The following LGR5 variants were observed in gnomAD, a reference collection of about 807,000 sequenced individuals.
LGR5 encodes the protein leucine-rich repeat-containing G protein-coupled receptor 5.
Under a neutral mutation model 76.7 loss-of-function variants are expected in LGR5, and 54 were observed. The observed-to-expected ratio is 0.70, with a 90% CI of 0.57 to 0.88. The LOEUF (loss-of-function observed/expected upper bound fraction) is 0.88, where lower values mean the gene tolerates loss of function less well. Ranked by LOEUF, LGR5 falls within the 40% of genes least tolerant of loss-of-function variation. LGR5 has a pLI of 0.00. For missense variants in LGR5, 1,078 were observed against 1,073.3 expected, an observed-to-expected ratio of 1.00 and a Z score of -0.06; for synonymous variants, 406 against 421.9, an observed-to-expected ratio of 0.96 and a Z score of 0.46.
At chr12:71,447,267 TA>T (rs1872042913) in intron 1 of LGR5, among the ~76,000 whole-genome samples, 1 of 152,248 alleles carries the variant, frequency 6.6e-6, no homozygotes, top group African/African-American at 2.4e-5. Context: ...ATGTGTCAAT[TA>T]GAAATCTGCA....
At chr12:71,582,257 C>G (rs1447045717) in intron 16 of LGR5, 199 bp from the exon 17 acceptor site, 1 of 511,228 alleles carries the variant, frequency 2.0e-6, no homozygotes, top group Non-Finnish European at 3.5e-6. Flanking sequence ...CCCTCACCCC[C>G]AGTTGTACTA....
chr12:71,498,032 G>T (rs760454798), intron 1 of LGR5, among the ~76,000 whole-genome samples: 1 of 152,046 alleles, frequency 6.6e-6, no homozygotes, highest in African/African-American at 2.4e-5. Context: ...AGAAGAAAGA[G>T]AAAAGAAGGA....
intron 8 of LGR5, among the ~76,000 whole-genome samples, chr12:71,563,858 G>A (rs530710544): frequency 4.0e-5 from 6 of 151,714 alleles, no homozygotes; most frequent in African/African-American, 1.2e-4. Flanking sequence ...CAGTGTGTGT[G>A]TGTGTGTGTG....
intron 16 of LGR5, among the ~76,000 whole-genome samples, chr12:71,580,804 C>CA (rs944728955): frequency 1.0e-4 from 15 of 149,096 alleles, no homozygotes; most frequent in South Asian, 2.1e-4. Context: ...AAGACTGTCT[C>CA]AAAAAAAAAG....
chr12:71,550,754 G>A (rs546729312), intron 4 of LGR5, among the ~76,000 whole-genome samples: 12 of 152,184 alleles, frequency 7.9e-5, no homozygotes, highest in Admixed American at 5.2e-4. Flanking sequence ...GTGAGCCAAC[G>A]GGCCCAGCCA....
Position 71,455,231 on chromosome 12 carries a change from C to A in LGR5, c.212+14939C>A, listed in dbSNP as rs192712285. 6.7e-4 allele frequency among the ~76,000 whole-genome samples: 102 copies of A among 152,272 alleles called. 1 individual carries two copies. Among genetic ancestry groups the A allele is most frequent in the Admixed American group, 3.9e-3 (60 of 15,292 alleles). Reference sequence around the variant, plus strand: ...ACCACTGATCTGGGCCCAGCTACCCCACTAATCAGCCACAGAATCTCTGGC... The same window carrying A: ...ACCACTGATCTGGGCCCAGCTACCCAACTAATCAGCCACAGAATCTCTGGC... On this transcript the variant is annotated intron_variant, in intron 1 of 17. Transcript: ENST00000266674.
chr12:71,511,178 G>A (rs1875137692), intron 2 of LGR5, among the ~76,000 whole-genome samples: 1 of 152,170 alleles, frequency 6.6e-6, no homozygotes, highest in African/African-American at 2.4e-5. Flanking sequence ...TAGGTGTCTG[G>A]GCGAGAAACT....
chr12:71,503,149 G>T (rs1269639310), intron 1 of LGR5, among the ~76,000 whole-genome samples: 2 of 150,316 alleles, frequency 1.3e-5, no homozygotes, highest in Non-Finnish European at 3.0e-5. Flanking sequence ...TCCAGAAACT[G>T]CATTGATCAG....
intron 5 of LGR5, among the ~76,000 whole-genome samples, chr12:71,554,437 C>CT (rs1877658286): frequency 6.6e-6 from 1 of 152,184 alleles, no homozygotes; most frequent in African/African-American, 2.4e-5. Flanking sequence ...ATAGGAGCAA[C>CT]TGGGGAGGTT....
rs1402346424 is a variant in LGR5, at chr12:71,583,774, C to T, written c.1764C>T (p.Tyr588=). The T allele has an allele frequency of 4.3e-6, 7 of 1,614,112 alleles. 1 individual carries two copies. In the South Asian group the frequency reaches 4.4e-5, roughly 10 times the overall value. Residue 588 remains tyrosine, a synonymous_variant, in exon 18 of 18, where the codon TAC becomes TAT. Coordinates refer to ENST00000266674, the MANE Select transcript of LGR5 (RefSeq NM_003667.4). ...VTSTVFRSPL[Y]ISPIKLLIGV... is the part of the protein sequence containing the mutation. ...CAACAGTTTTCAGATCCCCTCTGTA[C>T]ATTTCCCCCATTAAACTGTTAATTG...
chr12:71,510,706 A>G (rs989505101), intron 2 of LGR5, among the ~76,000 whole-genome samples: 1 of 152,300 alleles, frequency 6.6e-6, no homozygotes, highest in Non-Finnish European at 1.5e-5. Context: ...TGACAAGAGC[A>G]GTGAATAACA....
intron 1 of LGR5, among the ~76,000 whole-genome samples, chr12:71,502,158 G>A (rs1397918960): frequency 6.9e-6 from 1 of 144,998 alleles, no homozygotes; most frequent in African/African-American, 2.5e-5. Flanking sequence ...GCACAGTAAA[G>A]TTATTAATTC....
intron 15 of LGR5, 67 bp downstream of exon 15, chr12:71,578,996 G>A (rs558910306): frequency 5.7e-6 from 8 of 1,399,280 alleles, no homozygotes; most frequent in African/African-American, 4.4e-5. Context: ...GTATTATAGT[G>A]GTGTTCTAAA....
At chr12:71,575,223 AAACAAAACAAAC>A (rs1358104232) in intron 13 of LGR5, among the ~76,000 whole-genome samples, 2 of 152,202 alleles carry the variant, frequency 1.3e-5, no homozygotes, top group Non-Finnish European at 2.9e-5. Flanking sequence ...GTAAAAAACA[AAACAAAACAAAC>A]AAACAAAAAC....
intron 1 of LGR5, among the ~76,000 whole-genome samples, chr12:71,447,440 T>A (rs1303077067): frequency 2.0e-5 from 3 of 152,206 alleles, no homozygotes; most frequent in Non-Finnish European, 4.4e-5. Context: ...TTTAGAAAAA[T>A]TAGGATATGT....
At chr12:71,574,601 A>T (rs1256486575) in intron 13 of LGR5, among the ~76,000 whole-genome samples, 1 of 152,034 alleles carries the variant, frequency 6.6e-6, no homozygotes, top group Non-Finnish European at 1.5e-5. Flanking sequence ...TGCTTCAAAA[A>T]CTTTCTAATT....
rs1879007107 is a variant in LGR5 at position 71,579,635 on chromosome 12, GA to G, written c.1407-642del. Among the ~76,000 whole-genome samples, 5 of 152,082 alleles carry G rather than the reference GA, an allele frequency of 3.3e-5. No homozygotes were observed. The South Asian group carries it at 1.0e-3, about 32-fold the overall frequency. On this transcript the variant is annotated intron_variant, in intron 15 of 17. Transcript: ENST00000266674. ...TCATCCCCTCAAGCATTTATCCTTT[GA>G]GTTACAAACAATCCAATTACACTCT...
intron 11 of LGR5, among the ~76,000 whole-genome samples, chr12:71,569,491 C>T (rs1398410145): frequency 2.2e-5 from 3 of 139,132 alleles, no homozygotes; most frequent in African/African-American, 7.7e-5. Context: ...AAAACGTGGG[C>T]AAAGGATATG....
chr12:71,457,121 A>G (rs1872514000), intron 1 of LGR5, among the ~76,000 whole-genome samples: 1 of 152,146 alleles, frequency 6.6e-6, no homozygotes, highest in Non-Finnish European at 1.5e-5. Flanking sequence ...GTAAATCTAG[A>G]TGTTTCATCA....
Sources: allele counts gnomAD v4.1 joint callset (sites outside exome capture counted in the v4.1 genomes callset), GRCh38; gene constraint gnomAD v4.1.1; transcripts MANE v1.5; gene names NCBI Gene and HGNC (gene_info 2026-07-23, HGNC 2026-07-21).